GLOD4: variants seen among roughly 807,000 people sequenced by gnomAD.
GLOD4 encodes the protein glyoxalase domain containing 4, also known as glyoxalase domain-containing protein 4.
In GLOD4, 44 loss-of-function variants were observed where a neutral mutation model predicts 39.1. The observed-to-expected ratio is 1.13, with a 90% CI of 0.88 to 1.45. The LOEUF is 1.45. Ranked by LOEUF, GLOD4 falls within the 40% of genes most tolerant of loss-of-function variation. The pLI, the probability that GLOD4 is intolerant of heterozygous loss-of-function variation, is 0.00. For missense variants in GLOD4, 405 were observed against 366.4 expected, an observed-to-expected ratio of 1.11 and a Z score of -0.86; for synonymous variants, 145 against 135.0, an observed-to-expected ratio of 1.07 and a Z score of -0.52.
At chr17:778,767 T>C (rs779244482) in intron 1 of GLOD4, 23 bp from the exon 2 acceptor site, 13 of 1,512,422 alleles carry the variant, frequency 8.6e-6, no homozygotes, top group Admixed American at 6.7e-5. Flanking sequence ...TTAGAATAAA[T>C]TGTGAAGTGT....
chr17:778,899 G>A lies in GLOD4; in HGVS notation c.91-155C>T. 6 of 594,750 alleles carry A rather than the reference G, an allele frequency of 1.0e-5. No individual in the cohort carries two copies. In the South Asian group the frequency reaches 1.3e-4, roughly 13 times the overall value. The allele number at this position is 594,750 out of a possible 1,614,324, so 36.8% of individuals were successfully genotyped here. On this transcript the variant is annotated intron_variant, in intron 1 of 8. Transcript: ENST00000301329. ...TGAGCTTTACACTTCTCCCAGGATA[G>A]AAGCAGTGGAAGGACGAACAGCTTG...
At position 769,869 on chromosome 17, in the gene GLOD4, A is replaced by G. The variant is rs752768207; in HGVS notation, c.831T>C (p.Asp277=). ...MDPEGSKLLD[D]AMAADKSDEW... is the part of the protein sequence containing the mutation. ...ACATAAATGTAGAAATGGGACTCAC[A>G]TCATCCAACAATTTGCTTCCCTCTG... The change falls in exon 8 of 9, where the codon GAT becomes GAC. Residue 277 remains aspartate, a splice_region_variant and synonymous_variant. Coordinates refer to ENST00000301329, the MANE Select transcript of GLOD4 (RefSeq NM_016080.4). 5 of 1,548,510 alleles carry G rather than the reference A, an allele frequency of 3.2e-6. No homozygotes were observed. The Admixed American group carries it at 8.3e-5, about 26-fold the overall frequency.
chr17:768,041 C>G (rs560488069), intron 8 of GLOD4, among the ~76,000 whole-genome samples: 82 of 138,512 alleles, frequency 5.9e-4, no homozygotes, highest in African/African-American at 2.2e-3. Flanking sequence ...AAGAAGAAAT[C>G]TGGAGAGGAC....
At chr17:781,970 T>C in intron 1 of GLOD4, 196 bp downstream of exon 1, 1 of 583,552 alleles carries the variant, frequency 1.7e-6, no homozygotes. Context: ...ACTAATCGTG[T>C]TAGGCCCTTC....
intron 5 of GLOD4, 191 bp from the exon 6 acceptor site, chr17:770,698 T>G (rs1022670771): frequency 1.1e-5 from 5 of 436,276 alleles, no homozygotes; most frequent in Non-Finnish European, 8.2e-6. Context: ...CATCTATGTT[T>G]TTTTTTTTAC....
Position 770,693 on chromosome 17 carries a change from A to ACG in GLOD4, c.544-187_544-186insCG, listed in dbSNP as rs201063438. ...CCTTCTAGAAGCACTGCACGCATCT[A>ACG]TGTTTTTTTTTTTACACAAATGGTG... On this transcript the variant is annotated intron_variant, in intron 5 of 8. Transcript: ENST00000301329. The ACG allele has an allele frequency of 8.9e-3, 3,648 of 409,854 alleles. 1 individual carries two copies. The highest frequency in any genetic ancestry group is 0.021 in the East Asian group (549 of 25,962). 25.4% of individuals were successfully genotyped at this position (409,854 alleles called of 1,614,324 possible).
chr17:768,568 G>A (rs1319786776), intron 8 of GLOD4, among the ~76,000 whole-genome samples: 3 of 127,524 alleles, frequency 2.4e-5, no homozygotes, highest in East Asian at 2.6e-4. Context: ...GAGAAACAGC[G>A]CGCACTCAGA....
chr17:764,427 C>A (rs115522208), intron 8 of GLOD4: 2 of 152,196 alleles, frequency 1.3e-5, no homozygotes, highest in African/African-American at 2.4e-5. Context: ...CGTGGACAAA[C>A]GATGGTCCGA....
chr17:782,743 A>C, upstream of GLOD4: 1 of 1,540,260 alleles, frequency 6.5e-7, no homozygotes, highest in African/African-American at 1.4e-5. Flanking sequence ...TTCCCGTCGC[A>C]CAGCGGAACC....
rs527961827 is a variant in GLOD4, at chr17:771,473, T to A, written c.407-12A>T. 7 of 1,525,770 alleles carry A rather than the reference T, an allele frequency of 4.6e-6. No homozygotes were observed. The highest frequency in any genetic ancestry group is 5.4e-6 in the Non-Finnish European group (6 of 1,117,774). 94.5% of individuals were successfully genotyped at this position (1,525,770 alleles called of 1,614,324 possible). A position where few individuals can be genotyped will look rare whatever the true frequency, so the allele number is the denominator to read the frequency against. On this transcript the variant is annotated splice_polypyrimidine_tract_variant and intron_variant, in intron 4 of 8. Transcript: ENST00000301329. ...TTTTAATACAGGATCTGTTGGGTAA[T>A]AAAGCAGGAATAGACAGATCAATTT...
chr17:782,261 C>T lies in GLOD4; in HGVS notation c.-6G>A. 2 of 1,613,424 alleles carry T rather than the reference C, an allele frequency of 1.2e-6. No individual in the cohort carries two copies. The highest frequency in any genetic ancestry group is 1.7e-5 in the Admixed American group (1 of 59,978). On this transcript the variant is annotated 5_prime_UTR_variant, in exon 1 of 9. Transcript: ENST00000301329. ...AGAGCTCTGCGAGCAGCCATGATTC[C>T]CGCCGCACGCAGCCGTCACGCGCAC...
intron 8 of GLOD4, 152 bp downstream of exon 8, chr17:769,717 A>G (rs1175869736): frequency 1.6e-6 from 1 of 635,286 alleles, no homozygotes; most frequent in Non-Finnish European, 2.8e-6. Context: ...GTGGCAGTGA[A>G]GACATCGGTC....
intron 1 of GLOD4, among the ~76,000 whole-genome samples, chr17:779,478 A>C (rs1909508552): frequency 6.6e-6 from 1 of 151,702 alleles, no homozygotes; most frequent in African/African-American, 2.4e-5. Flanking sequence ...AAAAATATAA[A>C]AAATACAAAA....
chr17:767,694 G>C (rs1451581385), intron 8 of GLOD4, among the ~76,000 whole-genome samples: 1 of 150,704 alleles, frequency 6.6e-6, no homozygotes, highest in African/African-American at 2.4e-5. Context: ...CGCGCATTCA[G>C]ATTTTTAGAA....
intron 7 of GLOD4, 39 bp downstream of exon 7, chr17:770,005 C>A (rs769389516): frequency 2.6e-6 from 4 of 1,553,666 alleles, no homozygotes; most frequent in South Asian, 1.1e-5. Flanking sequence ...CTTGAAGAAA[C>A]CCCTGGTCCA....
chr17:778,357 G>C, intron 2 of GLOD4: 1 of 419,422 alleles, frequency 2.4e-6, no homozygotes, highest in Non-Finnish European at 4.2e-6. Context: ...ACTCCAGGTA[G>C]AGTCAGAATC....
rs1294673308 is a variant in GLOD4, at chr17:768,551, TGA to T, written c.831+1316_831+1317del. ...TTTTAGAAGAAATCTGGAGAGGACG[TGA>T]GAGAGAGAAACAGCGCGCACTCAGA... On this transcript the variant is annotated intron_variant, in intron 8 of 8. Coordinates refer to ENST00000301329, the MANE Select transcript of GLOD4 (RefSeq NM_016080.4). Among the ~76,000 whole-genome samples the T allele has an allele frequency of 1.7e-3, 180 of 106,506 alleles. 1 individual carries two copies. The highest frequency in any genetic ancestry group is 6.8e-3 in the African/African-American group (165 of 24,216). 69.9% of individuals were successfully genotyped at this position (106,506 alleles called of 152,430 possible).
At chr17:778,390 CT>C (rs34763747) in intron 2 of GLOD4, 166,913 of 467,418 alleles carry the variant, frequency 0.36, 33,814 homozygotes, top group Non-Finnish European at 0.43. Context: ...GGACAGCCGG[CT>C]GGTGTTAGAG....
chr17:761,104 G>T (rs1257701785), intron 8 of GLOD4, among the ~76,000 whole-genome samples: 1 of 152,194 alleles, frequency 6.6e-6, no homozygotes, highest in African/African-American at 2.4e-5. Flanking sequence ...GAAGCTTTGA[G>T]GAGTGTGCAG....
Sources: gnomAD v4.1 joint callset for allele counts (sites outside exome capture counted in the v4.1 genomes callset) on GRCh38, gnomAD v4.1.1 for gene constraint, MANE v1.5 for transcripts, NCBI Gene and HGNC (gene_info 2026-07-23, HGNC 2026-07-21) for gene names.